RBKS: variants seen among roughly 807,000 people sequenced by gnomAD.
RBKS encodes the protein ribokinase.
A neutral mutation model predicts 33.9 loss-of-function variants in RBKS; 33 were observed. The ratio of observed to expected loss-of-function variants is 0.97; its 90% CI spans 0.74 to 1.30. RBKS has a LOEUF of 1.30. RBKS is among the 50% of genes most tolerant of loss of function. The pLI, the probability that RBKS is intolerant of heterozygous loss-of-function variation, is 0.00. For missense variants in RBKS, 361 were observed against 392.6 expected (o/e 0.92, Z 0.68); for synonymous variants, 125 against 143.0 (o/e 0.87, Z 0.90).
chr2:27,827,442 T>C, intron 7 of RBKS, 125 bp downstream of exon 7: 1 of 792,034 alleles, frequency 1.3e-6, no homozygotes, highest in Non-Finnish European at 1.9e-6. Flanking sequence ...TGGTTGTTCT[T>C]CTCTTTTACC....
At chr2:27,869,493 T>C (rs1042856249) in intron 1 of RBKS, among the ~76,000 whole-genome samples, 1 of 152,224 alleles carries the variant, frequency 6.6e-6, no homozygotes, top group South Asian at 2.1e-4. Context: ...CCACAAAAAG[T>C]GTGACTTACC....
intron 7 of RBKS, 98 bp from the exon 8 acceptor site, chr2:27,781,886 T>C: frequency 9.1e-7 from 1 of 1,102,278 alleles, no homozygotes; most frequent in Non-Finnish European, 1.3e-6. Flanking sequence ...ATTTTAGTTT[T>C]AGATTTACAG....
intron 7 of RBKS, among the ~76,000 whole-genome samples, chr2:27,782,141 T>G (rs1378065078): frequency 6.6e-6 from 1 of 152,016 alleles, no homozygotes; most frequent in Non-Finnish European, 1.5e-5. Flanking sequence ...TTCTTAGACA[T>G]TCTTTGTTTT....
rs377103337 is a variant in RBKS at position 27,872,453 on chromosome 2, T to C, written c.90-13882A>G. The stretch of plus-strand genomic sequence containing the variant: ...GAAAAGAAAAAAAGACAGGAAAAGA[T>C]ATACAAGGCAAATAGCAACTAAAAC... On this transcript the variant is annotated intron_variant, in intron 1 of 7. Transcript: ENST00000302188. Among the ~76,000 whole-genome samples, 16 of 152,074 alleles carry C rather than the reference T, an allele frequency of 1.1e-4. No homozygotes were observed. In the East Asian group the frequency reaches 2.5e-3, roughly 24 times the overall value.
chr2:27,832,632 CACTTGTACAA>C, intron 6 of RBKS, 44 bp downstream of exon 6: 1 of 1,124,402 alleles, frequency 8.9e-7, no homozygotes, highest in Non-Finnish European at 1.4e-6. Context: ...TTGCTTTATC[CACTTGTACAA>C]ACTTTTGGTT....
At chr2:27,858,688 C>A in intron 1 of RBKS, 117 bp from the exon 2 acceptor site, 1 of 864,088 alleles carries the variant, frequency 1.2e-6, no homozygotes, top group Non-Finnish European at 1.8e-6. Flanking sequence ...ACAATTAGAA[C>A]TATAAGCAGA....
Position 27,890,247 on chromosome 2 carries a change from C to T in RBKS, c.89+10G>A, listed in dbSNP as rs1472202657. On this transcript the variant is annotated intron_variant, in intron 1 of 7. Coordinates refer to ENST00000302188, the MANE Select transcript of RBKS (RefSeq NM_022128.3). The surrounding 1 kb of genome is among the most constrained non-coding windows in gnomAD (Gnocchi z 4.8). ...CGAGCCGCAGACTGAGTAACTGGCC[C>T]CGGACTAACCTGACCAGGTCGGTCA... The T allele has an allele frequency of 2.5e-6, 4 of 1,612,852 alleles. No homozygotes were observed. The highest frequency in any genetic ancestry group is 3.4e-6 in the Non-Finnish European group (4 of 1,179,674).
At chr2:27,886,730 T>A (rs952919009) in intron 1 of RBKS, among the ~76,000 whole-genome samples, 1 of 151,492 alleles carries the variant, frequency 6.6e-6, no homozygotes, top group Non-Finnish European at 1.5e-5. Flanking sequence ...AAATAGAAAA[T>A]ATATATTTAA....
chr2:27,824,048 C>T (rs1380271814), intron 7 of RBKS, among the ~76,000 whole-genome samples: 1 of 152,164 alleles, frequency 6.6e-6, no homozygotes, highest in African/African-American at 2.4e-5. Flanking sequence ...CACTCTCCAT[C>T]CCCTTCCAGC....
intron 6 of RBKS, 83 bp from the exon 7 acceptor site, chr2:27,827,838 T>G: frequency 8.2e-7 from 1 of 1,221,932 alleles, no homozygotes; most frequent in South Asian, 1.8e-5. Flanking sequence ...CTAGAAAATG[T>G]CTCCCTTCTT....
chr2:27,821,303 T>C (rs1028592664), intron 7 of RBKS, among the ~76,000 whole-genome samples: 3 of 152,174 alleles, frequency 2.0e-5, no homozygotes, highest in Admixed American at 6.5e-5. Flanking sequence ...GTATTTCTTA[T>C]TCAGTGACTT....
intron 7 of RBKS, among the ~76,000 whole-genome samples, chr2:27,816,660 C>T (rs1678102605): frequency 6.6e-6 from 1 of 151,978 alleles, no homozygotes; most frequent in Non-Finnish European, 1.5e-5. Flanking sequence ...GTCACCCAGG[C>T]TGGTCTCGGC....
At chr2:27,797,092 A>C (rs1677680621) in intron 7 of RBKS, among the ~76,000 whole-genome samples, 2 of 152,166 alleles carry the variant, frequency 1.3e-5, no homozygotes, top group African/African-American at 4.8e-5. Flanking sequence ...TGTTAATCTG[A>C]GTCTGCTGGT....
intron 7 of RBKS, among the ~76,000 whole-genome samples, chr2:27,786,752 GCCT>G (rs1264897713): frequency 1.3e-5 from 2 of 149,274 alleles, no homozygotes; most frequent in African/African-American, 5.0e-5. Context: ...CTGCACTCTC[GCCT>G]GGGCGACAGA....
chr2:27,802,812 CAAG>C (rs1677826138), intron 7 of RBKS, among the ~76,000 whole-genome samples: 1 of 152,126 alleles, frequency 6.6e-6, no homozygotes, highest in African/African-American at 2.4e-5. Flanking sequence ...AGGAATTTAA[CAAG>C]AAGATGAGAA....
intron 7 of RBKS, among the ~76,000 whole-genome samples, chr2:27,826,987 TAAAGATTAAATGAAAAA>T (rs1041322590): frequency 7.3e-6 from 1 of 137,896 alleles, no homozygotes; most frequent in Non-Finnish European, 1.5e-5. Flanking sequence ...CAGAATTGTT[TAAAGATTAAATGAAAAA>T]AAAGATTAAA....
intron 7 of RBKS, among the ~76,000 whole-genome samples, chr2:27,790,783 G>A (rs1677506945): frequency 6.6e-6 from 1 of 152,228 alleles, no homozygotes; most frequent in Admixed American, 6.5e-5. Flanking sequence ...AATGGTTGGT[G>A]TAAATGTGGA....
chr2:27,794,632 T>C (rs1677608755), intron 7 of RBKS, among the ~76,000 whole-genome samples: 1 of 89,480 alleles, frequency 1.1e-5, no homozygotes, highest in African/African-American at 3.7e-5. Flanking sequence ...TTCTTTTTTT[T>C]TTTTTTTGAG....
At chr2:27,881,770 C>T (rs1308118987) in intron 1 of RBKS, among the ~76,000 whole-genome samples, 1 of 152,036 alleles carries the variant, frequency 6.6e-6, no homozygotes, top group African/African-American at 2.4e-5. Flanking sequence ...GGCCACATAC[C>T]TACAACCATC....
Sources: allele counts gnomAD v4.1 joint callset (sites outside exome capture counted in the v4.1 genomes callset), GRCh38; gene constraint gnomAD v4.1.1; non-coding constraint Gnocchi (gnomAD v3.1); transcripts MANE v1.5; gene names NCBI Gene and HGNC (gene_info 2026-07-23, HGNC 2026-07-21).